TPGS2: variants seen among roughly 807,000 people sequenced by gnomAD.
TPGS2 encodes the protein polyglutamylase subunit 2.
In TPGS2, 26 loss-of-function variants were observed where a neutral mutation model predicts 31.1. The observed-to-expected ratio is 0.84, with a 90% CI of 0.61 to 1.16. The LOEUF (loss-of-function observed/expected upper bound fraction) is 1.16, where lower values mean the gene tolerates loss of function less well. Ranked by LOEUF, TPGS2 falls within the 50% of genes most tolerant of loss-of-function variation. The pLI is 0.00. For missense variants in TPGS2, 351 were observed against 363.8 expected (o/e 0.96, Z 0.29); for synonymous variants, 130 against 136.6 (o/e 0.95, Z 0.34).
chr18:36,783,153 G>A lies in TPGS2; in HGVS notation c.658-22C>T, dbSNP rs540801150. On this transcript the variant is annotated intron_variant, in intron 6 of 6. Coordinates refer to the TPGS2 transcript ENST00000587129. ...GAGCCTATAAGAAAAATCAATTTGC[G>A]TTGTTAAACTTAGTGGTTCATTAGT... 34 of 398,280 alleles carry A rather than the reference G, an allele frequency of 8.5e-5. 1 individual carries two copies. The South Asian group carries it at 3.7e-3, about 43-fold the overall frequency. 24.7% of individuals were successfully genotyped at this position (398,280 alleles called of 1,614,324 possible).
At chr18:36,786,371 C>T (rs899545317) in intron 6 of TPGS2, 1 of 152,300 alleles carries the variant, frequency 6.6e-6, no homozygotes, top group African/African-American at 2.4e-5. Context: ...TGCCTGCCAC[C>T]ACGCCCGGCT....
intron 2 of TPGS2, among the ~76,000 whole-genome samples, chr18:36,816,797 C>T (rs982771070): frequency 5.3e-5 from 8 of 152,204 alleles, no homozygotes; most frequent in African/African-American, 1.4e-4. Context: ...TTAGTAGAGA[C>T]GGGGTTTCAC....
In TPGS2 at chr18:36,794,980, A is replaced by T. The variant is rs1459228383; in HGVS notation, c.*1825T>A. 1 of 985,214 alleles carries T rather than the reference A, an allele frequency of 1.0e-6. No homozygotes were observed. The highest frequency in any genetic ancestry group is 1.2e-6 in the Non-Finnish European group (1 of 829,944). The allele number at this position is 985,214 out of a possible 1,614,324, so 61.0% of individuals were successfully genotyped here. A position where few individuals can be genotyped will look rare whatever the true frequency, so the allele number is the denominator to read the frequency against. ...AGCAAATGAAGAAGCTGTTAATACGAAGCTCAGTTTATGCTCCCAAAGACT... is the reference window on the plus strand; with the variant it reads ...AGCAAATGAAGAAGCTGTTAATACGTAGCTCAGTTTATGCTCCCAAAGACT... On this transcript the variant is annotated 3_prime_UTR_variant, in exon 7 of 7. Transcript: ENST00000334295.
At chr18:36,808,319 T>C (rs139994094) in intron 2 of TPGS2, among the ~76,000 whole-genome samples, 1,746 of 152,284 alleles carry the variant, frequency 0.011, 30 homozygotes, top group African/African-American at 0.039. Flanking sequence ...CCCATGGTCA[T>C]ATATTATTTT....
chr18:36,810,057 T>C (rs1158827040), intron 2 of TPGS2, among the ~76,000 whole-genome samples: 2 of 152,152 alleles, frequency 1.3e-5, no homozygotes, highest in Non-Finnish European at 2.9e-5. Flanking sequence ...CATAAAAATA[T>C]TCAAGTAAAC....
In TPGS2 at chr18:36,794,890, T is replaced by G; in HGVS notation, c.*1915A>C. 1.0e-6 allele frequency: 1 copy of G among 977,778 alleles called. No homozygotes were observed. The highest frequency in any genetic ancestry group is 1.2e-6 in the Non-Finnish European group (1 of 828,556). 60.6% of individuals were successfully genotyped at this position (977,778 alleles called of 1,614,324 possible). A position where few individuals can be genotyped will look rare whatever the true frequency, so the allele number is the denominator to read the frequency against. On this transcript the variant is annotated 3_prime_UTR_variant, in exon 7 of 7. Coordinates refer to ENST00000334295, the MANE Select transcript of TPGS2 (RefSeq NM_015476.4). ...ACACACACACACACACACGTTTAAA[T>G]GACCACACTGAATTATAAGTGGTTA...
chr18:36,792,846 C>T (rs1044557046), downstream of TPGS2, among the ~76,000 whole-genome samples: 6 of 152,256 alleles, frequency 3.9e-5, no homozygotes, highest in African/African-American at 1.4e-4. Context: ...TATGTACAAT[C>T]TTAGCTACAT....
downstream of TPGS2, among the ~76,000 whole-genome samples, chr18:36,792,281 A>AAAC (rs1273073179): frequency 6.6e-6 from 1 of 152,230 alleles, no homozygotes; most frequent in Non-Finnish European, 1.5e-5. Context: ...AGAATTATTT[A>AAAC]AACAAAACTG....
chr18:36,780,297 A>G (rs1165223816), downstream of TPGS2: 10 of 793,254 alleles, frequency 1.3e-5, no homozygotes, highest in East Asian at 3.4e-4. Flanking sequence ...TGTTAACCTA[A>G]CATCTATCAC....
At chr18:36,807,955 A>C in intron 2 of TPGS2, 21 bp from the exon 3 acceptor site, 1 of 1,613,814 alleles carries the variant, frequency 6.2e-7, no homozygotes, top group South Asian at 1.1e-5. Flanking sequence ...AAAGCAGCTA[A>C]GTGTTAGGTA....
rs944655892 is a variant in TPGS2, at chr18:36,795,190, C to A, written c.*1615G>T. The A allele has an allele frequency of 5.1e-6, 5 of 985,276 alleles. No homozygotes were observed. The highest frequency in any genetic ancestry group is 3.5e-5 in the African/African-American group (2 of 57,202). The allele number at this position is 985,276 out of a possible 1,614,324, so 61.0% of individuals were successfully genotyped here. A position where few individuals can be genotyped will look rare whatever the true frequency, so the allele number is the denominator to read the frequency against. Reference sequence around the variant, plus strand: ...AATATCTATCACTATTGTCAACAATCAAAATAAACATGTTTCAGAGCAAAA... The same window carrying A: ...AATATCTATCACTATTGTCAACAATAAAAATAAACATGTTTCAGAGCAAAA... On this transcript the variant is annotated 3_prime_UTR_variant, in exon 7 of 7. Coordinates refer to ENST00000334295, the MANE Select transcript of TPGS2 (RefSeq NM_015476.4).
chr18:36,808,010 G>T (rs2045245659), intron 2 of TPGS2, 76 bp from the exon 3 acceptor site: 27 of 1,403,596 alleles, frequency 1.9e-5, no homozygotes, highest in Non-Finnish European at 6.0e-6. Flanking sequence ...AGGCACTGGG[G>T]ACACGTTTAG....
At chr18:36,788,971 A>G (rs984745304) in intron 6 of TPGS2, 2 of 152,278 alleles carry the variant, frequency 1.3e-5, no homozygotes, top group Non-Finnish European at 2.9e-5. Flanking sequence ...CTGAAGACCT[A>G]GAACCTGCTC....
At position 36,796,764 on chromosome 18, in the gene TPGS2, CCACCA is replaced by C. The variant is rs751347785; in HGVS notation, c.*36_*40del. 1.3e-6 allele frequency: 2 copies of C among 1,573,836 alleles called. No homozygotes were observed. The highest frequency in any genetic ancestry group is 1.7e-6 in the Non-Finnish European group (2 of 1,167,854). On this transcript the variant is annotated 3_prime_UTR_variant, in exon 7 of 7. Coordinates refer to ENST00000334295, the MANE Select transcript of TPGS2 (RefSeq NM_015476.4). ...CCCTAGGGCCATCTGTGCATGGAAA[CCACCA>C]CTCTGGAGCTGGTAGGGAGTTGGAG...
At chr18:36,822,032 G>A (rs1379439428) in intron 1 of TPGS2, among the ~76,000 whole-genome samples, 3 of 152,210 alleles carry the variant, frequency 2.0e-5, no homozygotes, top group Non-Finnish European at 4.4e-5. Flanking sequence ...TTCTCGCATA[G>A]TTTCACAGGT....
At chr18:36,800,080 G>A (rs2044728654) in intron 5 of TPGS2, 118 bp downstream of exon 5, 1 of 845,996 alleles carries the variant, frequency 1.2e-6, no homozygotes. Flanking sequence ...GACACACAAG[G>A]AACCTGGGAG....
In TPGS2 at chr18:36,796,419, G is replaced by C. The variant is rs2044527464; in HGVS notation, c.*386C>G. On this transcript the variant is annotated 3_prime_UTR_variant, in exon 7 of 7. Transcript: ENST00000334295. ...TTACTTTAAATTTAAATAGTCATAT[G>C]TGACTAGTGGCTCCTGAATGAACAA... The C allele has an allele frequency of 9.9e-7, 1 of 1,008,458 alleles. No individual in the cohort carries two copies. Among genetic ancestry groups the C allele is most frequent in the African/African-American group, 1.7e-5 (1 of 58,270 alleles). The allele number at this position is 1,008,458 out of a possible 1,614,324, so 62.5% of individuals were successfully genotyped here. A position where few individuals can be genotyped will look rare whatever the true frequency, so the allele number is the denominator to read the frequency against.
chr18:36,807,864 C>CA lies in TPGS2; in HGVS notation c.235dup (p.Trp79LeufsTer7). 1 of 1,614,118 alleles carries CA rather than the reference C, an allele frequency of 6.2e-7. No individual in the cohort carries two copies. The highest frequency in any genetic ancestry group is 8.5e-7 in the Non-Finnish European group (1 of 1,180,012). On this transcript the variant is annotated frameshift_variant, in exon 3 of 7. Coordinates refer to ENST00000334295, the MANE Select transcript of TPGS2 (RefSeq NM_015476.4). LOFTEE classifies it high-confidence loss of function. ...TGACTCACCATCCAGCTTCACACTC[C>CA]ATGTCATGTGGAAGCCATTGGTCAT...
At chr18:36,813,134 CT>C (rs1183210042) in intron 2 of TPGS2, among the ~76,000 whole-genome samples, 1 of 152,188 alleles carries the variant, frequency 6.6e-6, no homozygotes, top group Non-Finnish European at 1.5e-5. Context: ...GCTAGTTTAT[CT>C]TTCCTTAAGC....
Sources: allele counts gnomAD v4.1 joint callset (sites outside exome capture counted in the v4.1 genomes callset), GRCh38; gene constraint gnomAD v4.1.1; transcripts MANE v1.5; gene names NCBI Gene and HGNC (gene_info 2026-07-23, HGNC 2026-07-21).